The following NEK5 variants were observed in gnomAD, a reference collection of about 807,000 sequenced individuals.
The protein encoded by NEK5 is NIMA related kinase 5.
A neutral mutation model predicts 109.2 loss-of-function variants in NEK5; 88 were observed. The observed-to-expected ratio is 0.81, with a 90% CI of 0.68 to 0.96. NEK5 has a LOEUF of 0.96. Ranked by LOEUF, NEK5 falls within the 40% of genes least tolerant of loss-of-function variation. The pLI is 0.00. For missense variants in NEK5, 834 were observed against 920.7 expected (o/e 0.91, Z 1.22); for synonymous variants, 283 against 299.9 (o/e 0.94, Z 0.58).
intron 19 of NEK5, among the ~76,000 whole-genome samples, chr13:52,074,190 AAAGAACAACGCCAG>A: frequency 6.6e-6 from 1 of 152,342 alleles, no homozygotes; most frequent in Non-Finnish European, 1.5e-5. Context: ...TTCTAAGCAA[AAAGAACAACGCCAG>A]AGTCGTCACA....
Position 52,065,510 on chromosome 13 carries a change from G to C in NEK5, c.1949C>G (p.Thr650Ser), listed in dbSNP as rs1460229393. The change falls in exon 21 of 24, where the codon ACC becomes AGC. Residue 650 changes from threonine (T) to serine (S), a missense_variant. Coordinates refer to ENST00000684899, the MANE Select transcript of NEK5 (RefSeq NM_001365552.1). Reference sequence around the variant, plus strand: ...GTCAGGCCCCGTGGGGCAGGTGGAGGTGATGTCGGCCACTGCCATCATCTG... The same window carrying C: ...GTCAGGCCCCGTGGGGCAGGTGGAGCTGATGTCGGCCACTGCCATCATCTG... The part of the protein sequence containing the change: ...LLQMMAVADI[T>S]STCPTGPDNG... The C allele has an allele frequency of 1.2e-6, 2 of 1,613,512 alleles. No individual in the cohort carries two copies. The highest frequency in any genetic ancestry group is 4.5e-5 in the East Asian group (2 of 44,894).
chr13:52,108,348 A>G lies in NEK5; in HGVS notation c.524T>C (p.Ile175Thr). The change falls in exon 8 of 24, where the codon ATC becomes ACC. Residue 175 changes from isoleucine (I) to threonine (T), a missense_variant. This residue lies in a region of NEK5 where 777 missense variants were observed against 824.7 expected (regional missense o/e 0.94). Coordinates refer to ENST00000684899, the MANE Select transcript of NEK5 (RefSeq NM_001365552.1). ...IGTPYYLSPE[I>T]CQNKPYNNKT... ...ATTGTTGTAGGGTTTATTCTGACAG[A>G]TCTCTGGGGACAGGTAGTAAGGTGT... The G allele has an allele frequency of 1.2e-6, 2 of 1,611,878 alleles. No individual in the cohort carries two copies. Among genetic ancestry groups the G allele is most frequent in the Non-Finnish European group, 1.7e-6 (2 of 1,178,468 alleles).
intron 1 of NEK5, among the ~76,000 whole-genome samples, chr13:52,128,267 G>A (rs758373247): frequency 1.1e-4 from 17 of 151,914 alleles, no homozygotes; most frequent in Non-Finnish European, 1.9e-4. Context: ...GGTTTACCAA[G>A]AATTGTTCAC....
At chr13:52,091,237 T>A (rs1955277124) in intron 13 of NEK5, among the ~76,000 whole-genome samples, 1 of 150,124 alleles carries the variant, frequency 6.7e-6, no homozygotes, top group African/African-American at 2.4e-5. Flanking sequence ...GCTTGACAGC[T>A]CTCAAATCTA....
chr13:52,054,169 G>A (rs983566581), intron 22 of NEK5, among the ~76,000 whole-genome samples: 5 of 152,292 alleles, frequency 3.3e-5, no homozygotes, highest in Middle Eastern at 3.4e-3. Context: ...TTAACCTTAG[G>A]GCTTTTGCTT....
rs780222456 is a variant in NEK5 at position 52,065,525 on chromosome 13, G to A, written c.1934C>T (p.Ala645Val). The A allele has an allele frequency of 1.7e-5, 28 of 1,613,436 alleles. No individual in the cohort carries two copies. The highest frequency in any genetic ancestry group is 2.1e-5 in the Non-Finnish European group (25 of 1,179,472). ...GCAGGTGGAGGTGATGTCGGCCACT[G>A]CCATCATCTGCAGCAGAGTCTGAGG... is the stretch of plus-strand genomic sequence containing the variant. ...GAPQTLLQMM[A>V]VADITSTCPT... The change falls in exon 21 of 24, where the codon GCA (alanine) becomes GTA (valine). Residue 645 changes from alanine to valine, a missense_variant. Physicochemically the swap from Ala to Val is moderately conservative, Grantham distance 64 (BLOSUM62 0). Coordinates refer to ENST00000684899, the MANE Select transcript of NEK5 (RefSeq NM_001365552.1).
Position 52,065,570 on chromosome 13 carries a change from C to T in NEK5, c.1889G>A (p.Arg630Lys). 2 of 1,614,128 alleles carry T rather than the reference C, an allele frequency of 1.2e-6. No homozygotes were observed. Among genetic ancestry groups the T allele is most frequent in the Non-Finnish European group, 1.7e-6 (2 of 1,179,950 alleles). The part of the protein sequence containing the change: ...TQTVAAVGNR[R>K]QWDGGAPQTL... ...CTGAGGCGCTCCTCCATCCCACTGC[C>T]TCCTGTTTCCCACAGCAGCTACAGT... is the stretch of plus-strand genomic sequence containing the variant. The change falls in exon 21 of 24, where the codon AGG becomes AAG. Residue 630 changes from arginine to lysine, a missense_variant. Around this residue, in one of 2 missense-constraint regions of NEK5, gnomAD observed 777 missense variants for 824.7 expected, o/e 0.94. Coordinates refer to ENST00000684899, the MANE Select transcript of NEK5 (RefSeq NM_001365552.1).
At chr13:52,068,420 C>T (rs548576022) in intron 20 of NEK5, among the ~76,000 whole-genome samples, 6 of 151,782 alleles carry the variant, frequency 4.0e-5, no homozygotes, top group East Asian at 1.9e-4. Context: ...TTCTATATGC[C>T]GCACAATTCT....
intron 20 of NEK5, among the ~76,000 whole-genome samples, chr13:52,070,130 G>T (rs945778410): frequency 1.3e-5 from 2 of 152,168 alleles, no homozygotes; most frequent in African/African-American, 4.8e-5. Flanking sequence ...AGCCAAGTCA[G>T]TTCTGTAAAT....
intron 23 of NEK5, among the ~76,000 whole-genome samples, chr13:52,045,496 T>C (rs1166170845): frequency 6.8e-6 from 1 of 146,870 alleles, no homozygotes; most frequent in African/African-American, 2.5e-5. Flanking sequence ...CCGAGCACGG[T>C]GGCGCACGCC....
chr13:52,057,168 A>G, intron 22 of NEK5, among the ~76,000 whole-genome samples: 1 of 152,230 alleles, frequency 6.6e-6, no homozygotes, highest in Non-Finnish European at 1.5e-5. Context: ...TACTACAAAC[A>G]TCTCTACGCA....
chr13:52,065,287 G>A (rs1954668478), intron 21 of NEK5, 197 bp downstream of exon 21: 2 of 755,896 alleles, frequency 2.6e-6, no homozygotes, highest in Non-Finnish European at 4.7e-6. Context: ...CATGTCTAGA[G>A]TGGTCATTTG....
intron 4 of NEK5, among the ~76,000 whole-genome samples, chr13:52,116,244 T>C (rs1171102941): frequency 6.6e-6 from 1 of 152,036 alleles, no homozygotes; most frequent in Non-Finnish European, 1.5e-5. Flanking sequence ...TCACTTGCTG[T>C]AGACCCGGCA....
At chr13:52,076,828 A>G (rs1181347997) in intron 17 of NEK5, among the ~76,000 whole-genome samples, 3 of 152,212 alleles carry the variant, frequency 2.0e-5, no homozygotes, top group African/African-American at 4.8e-5. Context: ...ATTCACACTG[A>G]GCACTCCCCA....
chr13:52,066,493 T>C (rs73500133), intron 20 of NEK5, among the ~76,000 whole-genome samples: 2 of 152,060 alleles, frequency 1.3e-5, no homozygotes, highest in Admixed American at 6.6e-5. Flanking sequence ...TTTGAACAGA[T>C]AGCTCTTCCC....
Position 52,104,015 on chromosome 13 carries a change from A to G in NEK5, c.609+483T>C, listed in dbSNP as rs563250375. ...CTCGCTGTCACCCAGGCTGGAGTGC[A>G]GTGGCGCAATCTCAGCTGACTGCAG... On this transcript the variant is annotated intron_variant, in intron 9 of 23. Transcript: ENST00000684899. Among the ~76,000 whole-genome samples, 3 of 152,302 alleles carry G rather than the reference A, an allele frequency of 2.0e-5. No individual in the cohort carries two copies. In the South Asian group the frequency reaches 6.2e-4, roughly 32 times the overall value.
intron 16 of NEK5, among the ~76,000 whole-genome samples, chr13:52,084,758 AGAGAGTGTGTGTGTGTGTGT>A (rs1368841869): frequency 6.4e-4 from 29 of 45,184 alleles, no homozygotes; most frequent in East Asian, 2.7e-3. Flanking sequence ...AGAGAGAGAG[AGAGAGTGTGTGTGTGTGTGT>A]GTGTGTGTGT....
At chr13:52,089,756 G>C (rs570504452) in intron 13 of NEK5, among the ~76,000 whole-genome samples, 74 of 152,190 alleles carry the variant, frequency 4.9e-4, no homozygotes, top group African/African-American at 1.7e-3. Context: ...GGGAGGCCGA[G>C]GTGGGTGGAT....
intron 4 of NEK5, among the ~76,000 whole-genome samples, chr13:52,115,052 A>G (rs1048743506): frequency 1.3e-5 from 2 of 148,402 alleles, no homozygotes; most frequent in Non-Finnish European, 3.0e-5. Context: ...TCGCTCTGTC[A>G]CCTGGGCTGG....
Sources: allele counts gnomAD v4.1 joint callset (sites outside exome capture counted in the v4.1 genomes callset), GRCh38; gene constraint gnomAD v4.1.1; regional missense constraint gnomAD v4.1.1; transcripts MANE v1.5; gene names NCBI Gene and HGNC (gene_info 2026-07-23, HGNC 2026-07-21).